Variants in RANBP2 observed in about 807,000 individuals in gnomAD.
The protein encoded by RANBP2 is E3 SUMO-protein ligase RanBP2.
RANBP2 carries 57 observed loss-of-function variants against 303.6 expected under a neutral mutation model. That is an observed-to-expected ratio of 0.19 (90% CI 0.15 to 0.23). The LOEUF (loss-of-function observed/expected upper bound fraction) is 0.23, where lower values mean the gene tolerates loss of function less well. RANBP2 is among the 10% of genes least tolerant of loss of function. The probability of loss-of-function intolerance (pLI) is 1.00; values close to 1 mark genes in which losing one functional copy is unlikely to be tolerated. For missense variants in RANBP2, 3,138 were observed against 3,780.8 expected (o/e 0.83, Z 4.46); for synonymous variants, 1,167 against 1,301.5 (o/e 0.90, Z 2.23).
the RANBP2 span, among the ~76,000 whole-genome samples, chr2:109,048,174 G>T: frequency 2.6e-5 from 4 of 152,182 alleles, no homozygotes; most frequent in Non-Finnish European, 5.9e-5. Flanking sequence ...ATTTTTCTAA[G>T]CACTCAGGCC....
the RANBP2 span, among the ~76,000 whole-genome samples, chr2:109,066,297 C>T: frequency 5.5e-4 from 83 of 152,082 alleles, 1 homozygote; most frequent in Admixed American, 3.9e-4. Context: ...TTAGTAGATA[C>T]GGGGTTTCAC....
chr2:108,749,599 T>C (rs1430399993), intron 9 of RANBP2, among the ~76,000 whole-genome samples: 2 of 151,592 alleles, frequency 1.3e-5, no homozygotes, highest in African/African-American at 4.8e-5. Context: ...CGACCAGCCT[T>C]GTTGTATTTT....
the RANBP2 span, among the ~76,000 whole-genome samples, chr2:109,648,707 G>A: frequency 1.4e-5 from 2 of 148,136 alleles, no homozygotes; most frequent in Non-Finnish European, 3.0e-5. Context: ...AGGCTGGAGT[G>A]CAGTGGCGTG....
chr2:109,066,940 C>G, the RANBP2 span, among the ~76,000 whole-genome samples: 1 of 152,164 alleles, frequency 6.6e-6, no homozygotes. Context: ...TATTTCCTTT[C>G]AACACGTTGA....
chr2:109,714,687 G>A, the RANBP2 span, among the ~76,000 whole-genome samples: 2 of 151,664 alleles, frequency 1.3e-5, no homozygotes, highest in Non-Finnish European at 2.9e-5. Flanking sequence ...TTGGCTCACT[G>A]CAACCTCTAC....
At chr2:108,901,462 T>C in the RANBP2 span, among the ~76,000 whole-genome samples, 1 of 152,044 alleles carries the variant, frequency 6.6e-6, no homozygotes, top group Non-Finnish European at 1.5e-5. Context: ...AGGAAATAAG[T>C]AATTTAGAAA....
the RANBP2 span, among the ~76,000 whole-genome samples, chr2:109,724,620 C>T: frequency 1.4e-4 from 21 of 152,082 alleles, no homozygotes; most frequent in Non-Finnish European, 2.2e-4. Flanking sequence ...GCGCCTTGTA[C>T]CCCACCACTG....
the RANBP2 span, among the ~76,000 whole-genome samples, chr2:109,592,294 G>A: frequency 4.0e-5 from 6 of 151,466 alleles, no homozygotes; most frequent in East Asian, 3.9e-4. Context: ...GCAAAACCCC[G>A]TCTCTACTAA....
chr2:109,434,700 G>A, the RANBP2 span, among the ~76,000 whole-genome samples: 2,301 of 152,272 alleles, frequency 0.015, 62 homozygotes, highest in African/African-American at 0.053. Context: ...CTCTGCCCAC[G>A]GTGTCATCCC....
At chr2:109,037,956 A>T in the RANBP2 span, among the ~76,000 whole-genome samples, 1 of 152,200 alleles carries the variant, frequency 6.6e-6, no homozygotes, top group African/African-American at 2.4e-5. Context: ...ATCTTATCCC[A>T]AATTTACATG....
the RANBP2 span, among the ~76,000 whole-genome samples, chr2:109,596,571 C>A: frequency 4.0e-5 from 6 of 151,498 alleles, 1 homozygote; most frequent in South Asian, 1.3e-3. Context: ...GAGCAGAGAT[C>A]GCGCCGCTGC....
chr2:108,742,933 C>T (rs1336317769), intron 7 of RANBP2, among the ~76,000 whole-genome samples: 6 of 151,964 alleles, frequency 3.9e-5, no homozygotes, highest in Non-Finnish European at 5.9e-5. Flanking sequence ...GGACTACAGG[C>T]ACCCACCACC....
the RANBP2 span, among the ~76,000 whole-genome samples, chr2:109,577,598 TAAAAAAAAAA>T: frequency 7.5e-6 from 1 of 133,272 alleles, no homozygotes. Flanking sequence ...CCTCAAAATT[TAAAAAAAAAA>T]AAAAGAAAAA....
the RANBP2 span, among the ~76,000 whole-genome samples, chr2:109,373,168 C>T: frequency 1.3e-5 from 2 of 152,222 alleles, no homozygotes; most frequent in South Asian, 2.1e-4. Context: ...CTCAACACTT[C>T]GCAAGTTTCC....
downstream of RANBP2, chr2:108,789,116 C>T (rs569158291): frequency 1.7e-5 from 10 of 603,562 alleles, no homozygotes; most frequent in Non-Finnish European, 2.2e-5. Flanking sequence ...ATAGTTGAAG[C>T]GAGTCACTTA....
At chr2:109,373,641 G>C in the RANBP2 span, among the ~76,000 whole-genome samples, 1 of 152,156 alleles carries the variant, frequency 6.6e-6, no homozygotes, top group Non-Finnish European at 1.5e-5. Flanking sequence ...TAGTGACCTT[G>C]GGGATTCTGA....
chr2:109,301,357 T>C, the RANBP2 span, among the ~76,000 whole-genome samples: 1 of 150,806 alleles, frequency 6.6e-6, no homozygotes, highest in African/African-American at 2.4e-5. Flanking sequence ...TGTGTGTTTG[T>C]GTATGTTTTG....
At chr2:109,585,701 G>A in the RANBP2 span, 1 of 1,504,338 alleles carries the variant, frequency 6.6e-7, no homozygotes, top group South Asian at 1.1e-5. Flanking sequence ...CAACTTAGAG[G>A]AAGAGTAGGT....
the RANBP2 span, among the ~76,000 whole-genome samples, chr2:109,421,841 T>TC: frequency 6.6e-6 from 1 of 152,328 alleles, no homozygotes; most frequent in East Asian, 1.9e-4. Context: ...CTGGTGATGG[T>TC]CCGTTCCATG....
Sources: allele counts gnomAD v4.1 joint callset (sites outside exome capture counted in the v4.1 genomes callset), GRCh38; gene constraint gnomAD v4.1.1; transcripts MANE v1.5; gene names NCBI Gene and HGNC (gene_info 2026-07-23, HGNC 2026-07-21).